Variants in VPS29 observed in about 807,000 individuals in gnomAD.
VPS29 encodes the protein vacuolar protein sorting-associated protein 29.
VPS29 carries 2 observed loss-of-function variants against 20.0 expected under a neutral mutation model. That is an observed-to-expected ratio of 0.10 (90% confidence interval 0.04 to 0.31). The LOEUF (loss-of-function observed/expected upper bound fraction) is 0.31, where lower values mean the gene tolerates loss of function less well. VPS29 is among the 10% of genes least tolerant of loss of function. The pLI, the probability that VPS29 is intolerant of heterozygous loss-of-function variation, is 1.00. For missense variants in VPS29, 120 were observed against 215.3 expected (o/e 0.56, Z 2.77); for synonymous variants, 81 against 79.3 (o/e 1.02, Z -0.12).
In VPS29 at chr12:110,502,091, G is replaced by C. The variant is rs551224919; in HGVS notation, c.-40C>G. On this transcript the variant is annotated 5_prime_UTR_variant, in exon 1 of 4. Transcript: ENST00000549578. ...CCGCTCAGTCACCACCACCGTCGCC[G>C]CCCTCTTCCTCAGGCTCCTCGGCGA... 3 of 1,599,918 alleles carry C rather than the reference G, an allele frequency of 1.9e-6. No individual in the cohort carries two copies. The highest frequency in any genetic ancestry group is 3.3e-5 in the Admixed American group (2 of 59,974).
At chr12:110,495,605 G>C (rs1323946766) in intron 2 of VPS29, among the ~76,000 whole-genome samples, 1 of 152,108 alleles carries the variant, frequency 6.6e-6, no homozygotes, top group Non-Finnish European at 1.5e-5. Flanking sequence ...CTACTTGGGA[G>C]GTTAGGCAGG....
At chr12:110,498,601 C>T (rs554847420) in intron 1 of VPS29, among the ~76,000 whole-genome samples, 10 of 152,256 alleles carry the variant, frequency 6.6e-5, no homozygotes, top group Non-Finnish European at 1.3e-4. Flanking sequence ...ACAGAGTTAT[C>T]GGGACATAGT....
In VPS29 at chr12:110,492,050, A is replaced by G. The variant is rs1318209700; in HGVS notation, c.504T>C (p.Ile168=). 2 of 1,613,924 alleles carry G rather than the reference A, an allele frequency of 1.2e-6. No homozygotes were observed. The highest frequency in any genetic ancestry group is 2.2e-5 in the East Asian group (1 of 44,860). ...STVVTYVYQL[I]GDDVKVERIE... Reference sequence around the variant, plus strand: ...TTCGTTCTACTTTCACATCATCTCCAATTAGCTGATACACATAGGTGACCA... The same window carrying G: ...TTCGTTCTACTTTCACATCATCTCCGATTAGCTGATACACATAGGTGACCA... Residue 168 remains isoleucine, a synonymous_variant, in exon 4 of 4, where the codon ATT becomes ATC. Transcript: ENST00000549578.
rs1452417033 is a variant in VPS29 at position 110,491,970 on chromosome 12, A to G, written c.*35T>C. ...ATTACTTGATTTCAACAGGACAATG[A>G]AAAAAAACCAAAAATCATCAAGACA... On this transcript the variant is annotated 3_prime_UTR_variant, in exon 4 of 4. Transcript: ENST00000549578. 4.5e-6 allele frequency: 7 copies of G among 1,547,104 alleles called. No homozygotes were observed. Among genetic ancestry groups the G allele is most frequent in the Non-Finnish European group, 5.3e-6 (6 of 1,125,902 alleles).
intron 1 of VPS29, chr12:110,501,844 C>T (rs1284039461): frequency 3.8e-6 from 5 of 1,321,428 alleles, no homozygotes; most frequent in Non-Finnish European, 5.3e-6. Flanking sequence ...GGCCGGGATA[C>T]GAGACCTAGG....
chr12:110,496,755 GTAATT>G (rs1266883206), intron 1 of VPS29: 1 of 152,250 alleles, frequency 6.6e-6, no homozygotes, highest in African/African-American at 2.4e-5. Flanking sequence ...AGTTAATTAT[GTAATT>G]TATCTGTACT....
At chr12:110,496,242 C>A in intron 1 of VPS29, 39 bp from the exon 2 acceptor site, 2 of 1,516,190 alleles carry the variant, frequency 1.3e-6, no homozygotes, top group South Asian at 1.3e-5. Flanking sequence ...TAATGTTAAA[C>A]ACAATATCAA....
rs1483995991 is a variant in VPS29 at position 110,491,877 on chromosome 12, A to G, written c.*128T>C. On this transcript the variant is annotated 3_prime_UTR_variant, in exon 4 of 4. Coordinates refer to ENST00000549578, the MANE Select transcript of VPS29 (RefSeq NM_016226.5). The stretch of plus-strand genomic sequence containing the variant: ...TTGGAGCAATTATGTATTAACAGAG[A>G]AGATGGTATTATATTTTACTGCAAA... The G allele has an allele frequency of 7.3e-6, 5 of 681,210 alleles. No individual in the cohort carries two copies. The highest frequency in any genetic ancestry group is 1.3e-5 in the Non-Finnish European group (5 of 388,678). The allele number at this position is 681,210 out of a possible 1,614,324, so 42.2% of individuals were successfully genotyped here.
Position 110,494,935 on chromosome 12 carries a change from T to C in VPS29, c.195+1077A>G, listed in dbSNP as rs867305239. On this transcript the variant is annotated intron_variant, in intron 2 of 3. Transcript: ENST00000549578. ...TGGGGTTTCACCGTATCAGCCAGGA[T>C]GGTCTTGATCTCTTGACCTCATGAT... Among the ~76,000 whole-genome samples, 8 of 152,084 alleles carry C rather than the reference T, an allele frequency of 5.3e-5. No homozygotes were observed. In the Middle Eastern group the frequency reaches 0.014, roughly 259 times the overall value.
chr12:110,495,806 GTATT>G (rs963291977), intron 2 of VPS29, among the ~76,000 whole-genome samples: 1 of 151,572 alleles, frequency 6.6e-6, no homozygotes, highest in Non-Finnish European at 1.5e-5. Flanking sequence ...GTTAGAATAA[GTATT>G]TAATGTTTAC....
intron 1 of VPS29, chr12:110,501,825 GC>G (rs1300898219): frequency 1.7e-6 from 2 of 1,211,748 alleles, no homozygotes; most frequent in African/African-American, 3.0e-5. Flanking sequence ...ATGGCCTCTG[GC>G]CCCTTGGGGC....
At chr12:110,497,361 C>T (rs1409490098) in intron 1 of VPS29, among the ~76,000 whole-genome samples, 2 of 151,314 alleles carry the variant, frequency 1.3e-5, no homozygotes, top group African/African-American at 4.9e-5. Flanking sequence ...GGACTACAGG[C>T]GTGTGCCACC....
chr12:110,497,707 A>G (rs2062931094), intron 1 of VPS29, among the ~76,000 whole-genome samples: 1 of 151,778 alleles, frequency 6.6e-6, no homozygotes, highest in South Asian at 2.1e-4. Context: ...CCTGGCCAAC[A>G]TGGTAAAACA....
intron 1 of VPS29, chr12:110,501,535 G>A: frequency 6.5e-7 from 1 of 1,535,378 alleles, no homozygotes; most frequent in Non-Finnish European, 8.7e-7. Context: ...TTTCAGGAGC[G>A]AGGAGGGTGG....
At chr12:110,493,336 G>A in intron 2 of VPS29, 105 bp from the exon 3 acceptor site, 1 of 761,428 alleles carries the variant, frequency 1.3e-6, no homozygotes, top group Admixed American at 3.9e-5. Flanking sequence ...TTTTGATGTA[G>A]TACCCCACAA....
intron 1 of VPS29, chr12:110,501,427 C>A (rs1022507517): frequency 7.8e-6 from 12 of 1,535,408 alleles, no homozygotes; most frequent in Non-Finnish European, 1.0e-5. Flanking sequence ...CCTAAAGAGG[C>A]GTAGCAACCC....
rs750531052 is a variant in VPS29, at chr12:110,502,100, C to T, written c.-49G>A. 6.3e-7 allele frequency: 1 copy of T among 1,595,380 alleles called. No homozygotes were observed. The highest frequency in any genetic ancestry group is 8.6e-7 in the Non-Finnish European group (1 of 1,168,502). ...CACCACCACCGTCGCCGCCCTCTTC[C>T]TCAGGCTCCTCGGCGACCCGCCCAC... is the stretch of plus-strand genomic sequence containing the variant. On this transcript the variant is annotated 5_prime_UTR_variant, in exon 1 of 4. Coordinates refer to ENST00000549578, the MANE Select transcript of VPS29 (RefSeq NM_016226.5).
intron 1 of VPS29, among the ~76,000 whole-genome samples, chr12:110,498,391 G>C (rs1215126719): frequency 1.3e-5 from 2 of 152,084 alleles, no homozygotes; most frequent in African/African-American, 4.8e-5. Flanking sequence ...TTAAAGGCAT[G>C]ACTATTCTTT....
At chr12:110,501,374 C>T in intron 1 of VPS29, 4 of 1,534,756 alleles carry the variant, frequency 2.6e-6, no homozygotes, top group Non-Finnish European at 3.5e-6. Context: ...ACAAAAATTT[C>T]CCAACAGTTT....
Sources: gnomAD v4.1 joint callset for allele counts (sites outside exome capture counted in the v4.1 genomes callset) on GRCh38, gnomAD v4.1.1 for gene constraint, MANE v1.5 for transcripts, NCBI Gene and HGNC (gene_info 2026-07-23, HGNC 2026-07-21) for gene names.